Variants in KCNK15 observed in about 807,000 individuals in gnomAD.
KCNK15 encodes potassium two pore domain channel subfamily K member 15.
A neutral mutation model predicts 8.5 loss-of-function variants in KCNK15; 9 were observed. That is an observed-to-expected ratio of 1.06 (90% CI 0.64 to 1.85). The LOEUF is 1.85. KCNK15 is among the 40% of genes most tolerant of loss of function. The pLI is 0.00. For synonymous variants in KCNK15, 224 were observed against 232.7 expected (o/e 0.96, Z 0.34); for missense variants, 467 against 476.8 (o/e 0.98, Z 0.19).
In KCNK15 at chr20:44,746,204, C is replaced by CGGA. The variant is rs750777634; in HGVS notation, c.283+13_283+15dup. The CGGA allele has an allele frequency of 2.2e-6, 3 of 1,371,322 alleles. No homozygotes were observed. The South Asian group carries it at 5.7e-5, about 26-fold the overall frequency. 84.9% of individuals were successfully genotyped at this position (1,371,322 alleles called of 1,614,324 possible). ...TCATCACTACCATCGGTGAGCCGCC[C>CGGA]GGAGCCTCCCTCCGCGCCCGCTCCA... On this transcript the variant is annotated intron_variant, in intron 1 of 1. Transcript: ENST00000372861.
In KCNK15 at chr20:44,746,138, C is replaced by CTT. The variant is rs2066006300; in HGVS notation, c.228_229insTT (p.Gln77PhefsTer45). ...AGGCTGAGCCCCACCGCGCCGGCCG[C>CTT]CAGTGGAAGTTCCCCGGCTCCTTCT... is the stretch of plus-strand genomic sequence containing the variant. On this transcript the variant is annotated frameshift_variant, in exon 1 of 2. Transcript: ENST00000372861. LOFTEE classifies it high-confidence loss of function. 7.0e-7 allele frequency: 1 copy of CTT among 1,424,268 alleles called. No individual in the cohort carries two copies. The highest frequency in any genetic ancestry group is 9.2e-7 in the Non-Finnish European group (1 of 1,081,942). The allele number at this position is 1,424,268 out of a possible 1,614,324, so 88.2% of individuals were successfully genotyped here.
intron 1 of KCNK15, among the ~76,000 whole-genome samples, chr20:44,749,760 G>A (rs1453814870): frequency 6.6e-6 from 1 of 152,200 alleles, no homozygotes; most frequent in Non-Finnish European, 1.5e-5. Flanking sequence ...TGTTGCCACA[G>A]TTTTGTCATT....
Position 44,750,686 on chromosome 20 carries a change from G to GCCCGCTCCGTGGGCTCCGCCTCT in KCNK15, c.842_864dup (p.Val289ProfsTer84), listed in dbSNP as rs2066027281. ...TGGCCTCTGGCTGCCCCGCCGCCCGGCCCGCTCCGTGGGCTCCGCCTCTGT... is the reference window on the plus strand; with the variant it reads ...TGGCCTCTGGCTGCCCCGCCGCCCGGCCCGCTCCGTGGGCTCCGCCTCTCCCGCTCCGTGGGCTCCGCCTCTGT... On this transcript the variant is annotated frameshift_variant, in exon 2 of 2. Transcript: ENST00000372861. LOFTEE classifies it low-confidence loss of function (END_TRUNC). The GCCCGCTCCGTGGGCTCCGCCTCT allele has an allele frequency of 6.7e-7, 1 of 1,491,634 alleles. No homozygotes were observed. The allele number at this position is 1,491,634 out of a possible 1,614,324, so 92.4% of individuals were successfully genotyped here.
chr20:44,747,642 G>C (rs1304830416), intron 1 of KCNK15, among the ~76,000 whole-genome samples: 1 of 152,248 alleles, frequency 6.6e-6, no homozygotes, highest in Non-Finnish European at 1.5e-5. Flanking sequence ...GGAGGCTGAT[G>C]TAAGAGACTC....
chr20:44,747,707 C>G (rs553664139), intron 1 of KCNK15, among the ~76,000 whole-genome samples: 2 of 152,402 alleles, frequency 1.3e-5, no homozygotes, highest in African/African-American at 4.8e-5. Context: ...CACCACCACC[C>G]TCTGTGGTCT....
chr20:44,748,890 A>G (rs891336976), intron 1 of KCNK15, among the ~76,000 whole-genome samples: 1 of 152,128 alleles, frequency 6.6e-6, no homozygotes. Flanking sequence ...TGACAACCAG[A>G]ATGTCTCCAG....
rs760824585 is a variant in KCNK15, at chr20:44,750,388, C to T, written c.543C>T (p.Phe181=). ...LALGAVAFSH[F]EGWTFFHAYY... is the part of the protein sequence containing the mutation. ...TCGGGGCCGTCGCCTTCTCGCACTT[C>T]GAGGGCTGGACCTTCTTCCACGCCT... Residue 181 remains phenylalanine, a synonymous_variant, in exon 2 of 2, where the codon TTC becomes TTT. Coordinates refer to ENST00000372861, the MANE Select transcript of KCNK15 (RefSeq NM_022358.4). 6.2e-7 allele frequency: 1 copy of T among 1,613,884 alleles called. No individual in the cohort carries two copies. The highest frequency in any genetic ancestry group is 8.5e-7 in the Non-Finnish European group (1 of 1,179,884).
chr20:44,748,235 T>C (rs921098077), intron 1 of KCNK15, among the ~76,000 whole-genome samples: 2 of 152,128 alleles, frequency 1.3e-5, no homozygotes, highest in African/African-American at 2.4e-5. Context: ...TAAACTCTCA[T>C]TGAGCTTCTG....
rs1419595748 is a variant in KCNK15 at position 44,750,852 on chromosome 20, G to A, written c.*14G>A. 1.4e-6 allele frequency: 2 copies of A among 1,386,356 alleles called. No individual in the cohort carries two copies. The highest frequency in any genetic ancestry group is 3.0e-5 in the African/African-American group (2 of 66,542). The allele number at this position is 1,386,356 out of a possible 1,614,324, so 85.9% of individuals were successfully genotyped here. On this transcript the variant is annotated 3_prime_UTR_variant, in exon 2 of 2. Transcript: ENST00000372861. ...AAGTCCATCTGACAACCCCACCCAG[G>A]CCAGGGTCGAATCTGGAATGGGAGG... is the stretch of plus-strand genomic sequence containing the variant.
At chr20:44,748,297 C>T (rs1837374356) in intron 1 of KCNK15, among the ~76,000 whole-genome samples, 1 of 152,050 alleles carries the variant, frequency 6.6e-6, no homozygotes, top group South Asian at 2.1e-4. Context: ...ACACCACCAT[C>T]GTCCCCGCCC....
chr20:44,749,944 A>T (rs1238276516), intron 1 of KCNK15, among the ~76,000 whole-genome samples, 185 bp from the exon 2 acceptor site: 1 of 152,262 alleles, frequency 6.6e-6, no homozygotes, highest in East Asian at 1.9e-4. Flanking sequence ...TCCATTCCCC[A>T]GTCGAGGGAC....
chr20:44,748,925 G>A (rs1289224963), intron 1 of KCNK15, among the ~76,000 whole-genome samples: 1 of 152,102 alleles, frequency 6.6e-6, no homozygotes. Flanking sequence ...CCCCTCAAAG[G>A]CAAAACCACC....
chr20:44,750,128 G>A lies in KCNK15; in HGVS notation c.284-1G>A, dbSNP rs1298392312. On this transcript the variant is annotated splice_acceptor_variant, in intron 1 of 1. Coordinates refer to ENST00000372861, the MANE Select transcript of KCNK15 (RefSeq NM_022358.4). LOFTEE classifies it high-confidence loss of function. ...CCCTCCCCTCCGCTCTCCCTGCATA[G>A]AGTACGGCCACGCCGCGCCGGGTAC... The A allele has an allele frequency of 1.9e-6, 3 of 1,604,860 alleles. No individual in the cohort carries two copies. In the South Asian group the frequency reaches 3.3e-5, roughly 18 times the overall value.
rs778138389 is a variant in KCNK15, at chr20:44,750,774, C to T, written c.929C>T (p.Ser310Leu). 2.0e-6 allele frequency: 3 copies of T among 1,509,454 alleles called. No homozygotes were observed. The highest frequency in any genetic ancestry group is 5.3e-5 in the East Asian group (2 of 37,934). 93.5% of individuals were successfully genotyped at this position (1,509,454 alleles called of 1,614,324 possible). The stretch of plus-strand genomic sequence containing the variant: ...GACAACCTGGGCTTTTCGCCCCCCT[C>T]GAGCCCGGGGGTCGTGCGTGGCGGG... Reference protein sequence around the residue: ...ARDNLGFSPPSSPGVVRGGQA... With the variant: ...ARDNLGFSPPLSPGVVRGGQA... The change falls in exon 2 of 2, where the codon TCG becomes TTG. Residue 310 changes from serine (S) to leucine (L), a missense_variant. This residue lies in a region of KCNK15 where 455 missense variants were observed against 441.2 expected (regional missense o/e 1.03). Coordinates refer to ENST00000372861, the MANE Select transcript of KCNK15 (RefSeq NM_022358.4).
In KCNK15 at chr20:44,750,114, G is replaced by A. The variant is rs1174110586; in HGVS notation, c.284-15G>A. On this transcript the variant is annotated splice_polypyrimidine_tract_variant and intron_variant, in intron 1 of 1. Transcript: ENST00000372861. The stretch of plus-strand genomic sequence containing the variant: ...CTGGGCGCTCACAGCCCTCCCCTCC[G>A]CTCTCCCTGCATAGAGTACGGCCAC... 3 of 1,584,946 alleles carry A rather than the reference G, an allele frequency of 1.9e-6. No individual in the cohort carries two copies. The highest frequency in any genetic ancestry group is 1.7e-5 in the Admixed American group (1 of 58,950).
Position 44,746,147 on chromosome 20 carries a change from G to A in KCNK15, c.237G>A (p.Lys79=). Residue 79 remains lysine (K), a synonymous_variant, in exon 1 of 2, where the codon AAG becomes AAA. Transcript: ENST00000372861. ...CCCACCGCGCCGGCCGCCAGTGGAA[G>A]TTCCCCGGCTCCTTCTACTTCGCCA... The part of the protein sequence containing the change: ...AEPHRAGRQW[K]FPGSFYFAIT... 1 of 1,419,072 alleles carries A rather than the reference G, an allele frequency of 7.0e-7. No homozygotes were observed. Among genetic ancestry groups the A allele is most frequent in the Non-Finnish European group, 9.3e-7 (1 of 1,079,174 alleles). The allele number at this position is 1,419,072 out of a possible 1,614,324, so 87.9% of individuals were successfully genotyped here.
chr20:44,749,220 T>A (rs1035782981), intron 1 of KCNK15, among the ~76,000 whole-genome samples: 3 of 152,184 alleles, frequency 2.0e-5, no homozygotes, highest in Non-Finnish European at 2.9e-5. Context: ...GCCTCCTGAC[T>A]CTTCCTGGCG....
chr20:44,746,541 T>G, intron 1 of KCNK15: 1 of 215,098 alleles, frequency 4.6e-6, no homozygotes, highest in Non-Finnish European at 9.1e-6. Flanking sequence ...CCTTGCCTGG[T>G]TGCCTCACAC....
In KCNK15 at chr20:44,751,092, G is replaced by T. The variant is rs556737164; in HGVS notation, c.*254G>T. ...TCCTTGTAGTCCAAATTGTATGAGG[G>T]CGTGGCCACATCAGCACTTAGGAGA... is the stretch of plus-strand genomic sequence containing the variant. On this transcript the variant is annotated 3_prime_UTR_variant, in exon 2 of 2. Coordinates refer to ENST00000372861, the MANE Select transcript of KCNK15 (RefSeq NM_022358.4). 1 of 321,144 alleles carries T rather than the reference G, an allele frequency of 3.1e-6. No individual in the cohort carries two copies. Among genetic ancestry groups the T allele is most frequent in the African/African-American group, 2.2e-5 (1 of 45,874 alleles). The allele number at this position is 321,144 out of a possible 1,614,324, so 19.9% of individuals were successfully genotyped here.
Sources: gnomAD v4.1 joint callset for allele counts (sites outside exome capture counted in the v4.1 genomes callset) on GRCh38, gnomAD v4.1.1 for gene constraint, gnomAD v4.1.1 regional missense constraint, MANE v1.5 for transcripts, NCBI Gene and HGNC (gene_info 2026-07-23, HGNC 2026-07-21) for gene names.